Variants in KIF13A observed in about 807,000 individuals in gnomAD.
KIF13A encodes the protein kinesin family member 13A, also known as kinesin-like protein KIF13A.
In KIF13A, 79 loss-of-function variants were observed where a neutral mutation model predicts 212.2. The ratio of observed to expected loss-of-function variants is 0.37; its 90% CI spans 0.31 to 0.45. The LOEUF is 0.45. KIF13A is among the 20% of genes least tolerant of loss of function. The probability of loss-of-function intolerance (pLI) is 1.00; values close to 1 mark genes in which losing one functional copy is unlikely to be tolerated. For missense variants in KIF13A, 1,901 were observed against 2,209.0 expected (o/e 0.86, Z 2.79); for synonymous variants, 789 against 808.6 (o/e 0.98, Z 0.41).
rs940281391 is a variant in KIF13A, at chr6:17,890,208, C to A, written c.159+7960G>T. Among the ~76,000 whole-genome samples, 11 of 134,870 alleles carry A rather than the reference C, an allele frequency of 8.2e-5. No individual in the cohort carries two copies. The South Asian group carries it at 9.9e-4, about 12-fold the overall frequency. 88.5% of individuals were successfully genotyped at this position (134,870 alleles called of 152,430 possible). On this transcript the variant is annotated intron_variant, in intron 3 of 38. Coordinates refer to ENST00000259711, the MANE Select transcript of KIF13A (RefSeq NM_022113.6). ...CGTCTCAAAAAAAAAAAAAAAAAAT[C>A]TCTTCTAGCTATGTACTGCTAACTT...
chr6:17,980,852 G>A (rs1781004524), intron 2 of KIF13A, among the ~76,000 whole-genome samples: 1 of 152,112 alleles, frequency 6.6e-6, no homozygotes, highest in Non-Finnish European at 1.5e-5. Flanking sequence ...TAGGGAGCAG[G>A]TGGGAAGAAT....
In KIF13A at chr6:17,809,546, C is replaced by T. The variant is rs968454054; in HGVS notation, c.2001-616G>A. Among the ~76,000 whole-genome samples, 1 of 152,132 alleles carries T rather than the reference C, an allele frequency of 6.6e-6. No individual in the cohort carries two copies. Among genetic ancestry groups the T allele is most frequent in the Non-Finnish European group, 1.5e-5 (1 of 68,032 alleles). ...ATAGTTAGAACTTTTCATTTTTACT[C>T]GTATAATTATTTGTTTAATATCTGT... On this transcript the variant is annotated intron_variant, in intron 17 of 38. Coordinates refer to ENST00000259711, the MANE Select transcript of KIF13A (RefSeq NM_022113.6). The surrounding 1 kb of genome is among the most constrained non-coding windows in gnomAD (Gnocchi z 4.7).
intron 3 of KIF13A, among the ~76,000 whole-genome samples, chr6:17,874,203 C>T (rs2150437324): frequency 6.6e-6 from 1 of 152,106 alleles, no homozygotes; most frequent in Middle Eastern, 3.4e-3. Context: ...TCAAAACTCT[C>T]CATATTCCCA....
rs1303567023 is a variant in KIF13A, at chr6:17,775,069, GAGA to G, written c.4171-10_4171-8del. 1 of 1,608,876 alleles carries G rather than the reference GAGA, an allele frequency of 6.2e-7. No homozygotes were observed. Among genetic ancestry groups the G allele is most frequent in the East Asian group, 2.2e-5 (1 of 44,756 alleles). On this transcript the variant is annotated splice_region_variant and splice_polypyrimidine_tract_variant and intron_variant, in intron 34 of 38. Transcript: ENST00000259711. ...CCGGTCGGCTGGAAGAGACCTATAA[GAGA>G]AGAATGGTTTTAGCAATGTGGTTTA...
Position 17,898,908 on chromosome 6 carries a change from T to C in KIF13A, c.147-728A>G, listed in dbSNP as rs1772816171. 6.6e-6 allele frequency among the ~76,000 whole-genome samples: 1 copy of C among 152,176 alleles called. No homozygotes were observed. The highest frequency in any genetic ancestry group is 1.5e-5 in the Non-Finnish European group (1 of 68,026). ...TGGAGTGCAGTGATGTGATCATGGC[T>C]CAGTGCAACCTTGAACTCCTGGGCT... On this transcript the variant is annotated intron_variant, in intron 2 of 38. Transcript: ENST00000259711. The surrounding 1 kb of genome is among the most constrained non-coding windows in gnomAD (Gnocchi z 5.2).
intron 2 of KIF13A, among the ~76,000 whole-genome samples, chr6:17,960,546 A>C (rs190642587): frequency 6.6e-6 from 1 of 152,178 alleles, no homozygotes; most frequent in African/African-American, 2.4e-5. Context: ...CTTCAATACT[A>C]TTACCCAAAG....
In KIF13A at chr6:17,815,460, A is replaced by G. The variant is rs1763841928; in HGVS notation, c.2000+1560T>C. ...TTCCCCAGGCACTGACGCTACTGCTAGACCAAGGCCCGCTAGGTAATGGGC... is the reference window on the plus strand; with the variant it reads ...TTCCCCAGGCACTGACGCTACTGCTGGACCAAGGCCCGCTAGGTAATGGGC... On this transcript the variant is annotated intron_variant, in intron 17 of 38. Transcript: ENST00000259711. 1.7e-5 allele frequency: 3 copies of G among 177,900 alleles called. No homozygotes were observed. The South Asian group carries it at 3.2e-4, about 19-fold the overall frequency. The allele number at this position is 177,900 out of a possible 1,614,324, so 11.0% of individuals were successfully genotyped here.
intron 3 of KIF13A, among the ~76,000 whole-genome samples, chr6:17,894,022 T>C (rs1239172215): frequency 1.3e-5 from 2 of 151,942 alleles, no homozygotes; most frequent in Non-Finnish European, 1.5e-5. Context: ...GTATTTTCAG[T>C]AAAGACAGGG....
At chr6:17,822,043 C>A in intron 16 of KIF13A, 3 of 585,334 alleles carry the variant, frequency 5.1e-6, no homozygotes, top group Non-Finnish European at 5.5e-6. Context: ...AACATAACTT[C>A]TTTTTTTTTT....
chr6:17,780,950 T>A, intron 30 of KIF13A, 44 bp from the exon 31 acceptor site: 1 of 1,563,092 alleles, frequency 6.4e-7, no homozygotes, highest in Admixed American at 1.7e-5. Context: ...AAGACAAAAG[T>A]CAGATGTAGC....
chr6:17,835,161 G>C (rs772332882), intron 11 of KIF13A, among the ~76,000 whole-genome samples: 1 of 132,058 alleles, frequency 7.6e-6, no homozygotes, highest in Non-Finnish European at 1.5e-5. Context: ...ACTCCAGCCC[G>C]GGCAACAGAG....
In KIF13A at chr6:17,987,173, A is replaced by G; in HGVS notation, c.56-29T>C. 6.4e-7 allele frequency: 1 copy of G among 1,566,680 alleles called. No individual in the cohort carries two copies. The highest frequency in any genetic ancestry group is 8.8e-7 in the Non-Finnish European group (1 of 1,140,934). On this transcript the variant is annotated intron_variant, in intron 1 of 38. Transcript: ENST00000259711. The surrounding 1 kb of genome is among the most constrained non-coding windows in gnomAD (Gnocchi z 7.7). ...AAAGCAGAGAGAAAGGGACGTTGCAAAGTCCAGCATCCGCGCCTCCAGCCC... is the reference window on the plus strand; with the variant it reads ...AAAGCAGAGAGAAAGGGACGTTGCAGAGTCCAGCATCCGCGCCTCCAGCCC...
At chr6:17,779,268 T>A (rs1337253251) in intron 32 of KIF13A, among the ~76,000 whole-genome samples, 169 bp from the exon 33 acceptor site, 1,871 of 28,206 alleles carry the variant, frequency 0.066, 8 homozygotes, top group East Asian at 0.31. Flanking sequence ...TTTTTTTTTT[T>A]TTTTTTTTTT....
chr6:17,763,341 G>A (rs878869797), downstream of KIF13A, among the ~76,000 whole-genome samples: 1 of 151,924 alleles, frequency 6.6e-6, no homozygotes, highest in Non-Finnish European at 1.5e-5. Flanking sequence ...GTGCTGGCAC[G>A]TGCCTGTAGT....
chr6:17,934,984 C>CTA lies in KIF13A; in HGVS notation c.147-36805_147-36804insTA. Among the ~76,000 whole-genome samples, 1 of 152,222 alleles carries CTA rather than the reference C, an allele frequency of 6.6e-6. No homozygotes were observed. Among genetic ancestry groups the CTA allele is most frequent in the Admixed American group, 6.5e-5 (1 of 15,292 alleles). On this transcript the variant is annotated intron_variant, in intron 2 of 38. Coordinates refer to ENST00000259711, the MANE Select transcript of KIF13A (RefSeq NM_022113.6). The surrounding 1 kb of genome is among the most constrained non-coding windows in gnomAD (Gnocchi z 5.4). ...GCAATACCTGAAGCAAGTTCCTTTA[C>CTA]ACCTGTGCTCCAGGCTTCCCACCAC...
intron 3 of KIF13A, among the ~76,000 whole-genome samples, chr6:17,878,382 G>A (rs766646793): frequency 1.5e-4 from 22 of 151,080 alleles, no homozygotes; most frequent in Non-Finnish European, 2.9e-4. Flanking sequence ...TATATGTAGT[G>A]GAATAATAAT....
rs771352111 is a variant in KIF13A, at chr6:17,817,142, C to T, written c.1878G>A (p.Arg626=). ...ALEEQRLMYE[R]ELEQLRQQLS... ...GCTGCTGGCGGAGTTGCTCCAGTTC[C>T]CGCTCATACATGAGCCGCTGCTCCT... The change falls in exon 17 of 39, where the codon CGG becomes CGA. Residue 626 remains arginine (R), a synonymous_variant. Coordinates refer to ENST00000259711, the MANE Select transcript of KIF13A (RefSeq NM_022113.6). The T allele has an allele frequency of 6.2e-7, 1 of 1,614,054 alleles. No homozygotes were observed. Among genetic ancestry groups the T allele is most frequent in the East Asian group, 2.2e-5 (1 of 44,884 alleles).
At chr6:17,901,300 T>C (rs1264988388) in intron 2 of KIF13A, among the ~76,000 whole-genome samples, 1 of 151,898 alleles carries the variant, frequency 6.6e-6, no homozygotes, top group South Asian at 2.1e-4. Flanking sequence ...TAATCAAATA[T>C]AGTATGCTAT....
chr6:17,764,538 T>C lies in KIF13A; in HGVS notation c.4990A>G (p.Ile1664Val). 6 of 1,613,994 alleles carry C rather than the reference T, an allele frequency of 3.7e-6. No individual in the cohort carries two copies. The highest frequency in any genetic ancestry group is 4.2e-6 in the Non-Finnish European group (5 of 1,179,896). The change falls in exon 39 of 39, where the codon ATA becomes GTA. Residue 1664 changes from isoleucine to valine, a missense_variant. Ile to Val is a conservative substitution (Grantham distance 29). Coordinates refer to ENST00000259711, the MANE Select transcript of KIF13A (RefSeq NM_022113.6). The surrounding 1 kb of genome is among the most constrained non-coding windows in gnomAD (Gnocchi z 5.1). ...EVEKGLVKDK[I>V]IVVPLKENSA... ...TTTTCCTTGAGTGGCACCACAATTA[T>C]CTTGTCCTTTACCAAGCCTTTTTCG...
Sources: gnomAD v4.1 joint callset for allele counts (sites outside exome capture counted in the v4.1 genomes callset) on GRCh38, gnomAD v4.1.1 for gene constraint, Gnocchi (gnomAD v3.1) non-coding constraint, MANE v1.5 for transcripts, NCBI Gene and HGNC (gene_info 2026-07-23, HGNC 2026-07-21) for gene names.